The following WNK1 variants were observed in gnomAD, a reference collection of about 807,000 sequenced individuals.
WNK1 encodes the protein WNK lysine deficient protein kinase 1.
In WNK1, 38 loss-of-function variants were observed where a neutral mutation model predicts 222.8. The observed-to-expected ratio is 0.17, with a 90% CI of 0.13 to 0.22. The LOEUF is 0.22. Ranked by LOEUF, WNK1 falls within the 10% of genes least tolerant of loss-of-function variation. WNK1 has a pLI of 1.00. For missense variants in WNK1, 2,348 were observed against 2,918.4 expected, an observed-to-expected ratio of 0.80 and a Z score of 4.50; for synonymous variants, 1,090 against 1,092.9, an observed-to-expected ratio of 1.00 and a Z score of 0.05.
chr12:847,016 C>G (rs1950071011), intron 4 of WNK1, among the ~76,000 whole-genome samples: 1 of 152,100 alleles, frequency 6.6e-6, no homozygotes, highest in Non-Finnish European at 1.5e-5. Flanking sequence ...AGTTCCAGTA[C>G]TAGGGGGCTA....
In WNK1 at chr12:878,367, C is replaced by CTTT. The variant is rs5795952; in HGVS notation, c.2373+19_2373+21dup. The CTTT allele has an allele frequency of 1.2e-4, 178 of 1,461,490 alleles. No homozygotes were observed. Among genetic ancestry groups the CTTT allele is most frequent in the East Asian group, 2.5e-4 (10 of 40,754 alleles). The allele number at this position is 1,461,490 out of a possible 1,614,324, so 90.5% of individuals were successfully genotyped here. A position where few individuals can be genotyped will look rare whatever the true frequency, so the allele number is the denominator to read the frequency against. On this transcript the variant is annotated splice_region_variant and intron_variant, in intron 10 of 27. Transcript: ENST00000315939. ...AAGTATCAGCTGGAAAACAGGTAAACTTTTTTTTTTTTTTTAAACAGGTAA... is the reference window on the plus strand; with the variant it reads ...AAGTATCAGCTGGAAAACAGGTAAACTTTTTTTTTTTTTTTTTTAAACAGGTAA...
chr12:882,909 G>A lies in WNK1; in HGVS notation c.3373-34G>A, dbSNP rs376111728. ...AAATTCAGTAATAAAGCTGAATATGGTCTTTGGAGATGATGTACCTTTTTT... is the reference window on the plus strand; with the variant it reads ...AAATTCAGTAATAAAGCTGAATATGATCTTTGGAGATGATGTACCTTTTTT... On this transcript the variant is annotated intron_variant, in intron 14 of 27. Transcript: ENST00000315939. 17 of 1,318,942 alleles carry A rather than the reference G, an allele frequency of 1.3e-5. No individual in the cohort carries two copies. In the Admixed American group the frequency reaches 1.5e-4, roughly 12 times the overall value. 81.7% of individuals were successfully genotyped at this position (1,318,942 alleles called of 1,614,324 possible).
chr12:802,010 C>A (rs996509411), intron 1 of WNK1, among the ~76,000 whole-genome samples: 12 of 152,126 alleles, frequency 7.9e-5, no homozygotes, highest in Non-Finnish European at 1.3e-4. Flanking sequence ...AACTTCCCCT[C>A]ACAGTTTTTC....
chr12:903,214 G>C (rs1057135994), intron 26 of WNK1, among the ~76,000 whole-genome samples: 1 of 152,180 alleles, frequency 6.6e-6, no homozygotes, highest in East Asian at 1.9e-4. Context: ...AGCTGTACTT[G>C]AGAGGCAGTC....
At chr12:851,561 G>A (rs967800420) in intron 4 of WNK1, 1 of 1,184,908 alleles carries the variant, frequency 8.4e-7, no homozygotes, top group African/African-American at 1.6e-5. Context: ...GGGAAGCATG[G>A]CTAGTGTTAA....
chr12:770,269 C>G (rs1488125172), intron 1 of WNK1, among the ~76,000 whole-genome samples: 1 of 152,140 alleles, frequency 6.6e-6, no homozygotes, highest in Non-Finnish European at 1.5e-5. Context: ...CCACTGCGCC[C>G]GGCCAGGAAT....
At chr12:867,699 T>G in intron 8 of WNK1, 1 of 779,616 alleles carries the variant, frequency 1.3e-6, no homozygotes, top group Non-Finnish European at 2.1e-6. Flanking sequence ...ATGTATTTAA[T>G]GGATTTTTAC....
chr12:864,086 C>A (rs1951422456), intron 8 of WNK1, among the ~76,000 whole-genome samples: 1 of 148,642 alleles, frequency 6.7e-6, no homozygotes, highest in South Asian at 2.1e-4. Flanking sequence ...CCATATTAAA[C>A]CCTGTGCCTG....
chr12:909,053 A>G lies in WNK1; in HGVS notation c.*261A>G, dbSNP rs1462115228. 2.0e-5 allele frequency: 10 copies of G among 499,280 alleles called. No individual in the cohort carries two copies. Among genetic ancestry groups the G allele is most frequent in the Non-Finnish European group, 3.3e-5 (9 of 273,754 alleles). The allele number at this position is 499,280 out of a possible 1,614,324, so 30.9% of individuals were successfully genotyped here. ...TCAGACCATGCTTTCCTGTTTATCT[A>G]TACTCAGTAATGAGGATGAGGGCTA... On this transcript the variant is annotated 3_prime_UTR_variant, in exon 28 of 28. Coordinates refer to ENST00000315939, the MANE Select transcript of WNK1 (RefSeq NM_018979.4).
At chr12:814,599 A>G (rs898819962) in intron 2 of WNK1, among the ~76,000 whole-genome samples, 74 of 152,104 alleles carry the variant, frequency 4.9e-4, no homozygotes, top group African/African-American at 1.7e-3. Context: ...TAATGCAGAA[A>G]TTTCCCGTTA....
chr12:823,362 A>G (rs1248492212), intron 2 of WNK1, among the ~76,000 whole-genome samples: 1 of 152,148 alleles, frequency 6.6e-6, no homozygotes, highest in Non-Finnish European at 1.5e-5. Flanking sequence ...TTTCTTAAAT[A>G]TTCTTTCTGC....
intron 1 of WNK1, among the ~76,000 whole-genome samples, chr12:795,377 A>C (rs905256377): frequency 4.6e-5 from 7 of 151,074 alleles, no homozygotes; most frequent in African/African-American, 1.7e-4. Flanking sequence ...TTTGAAATGT[A>C]ATAATCTTCA....
chr12:892,313 T>C (rs1954325884), intron 22 of WNK1, among the ~76,000 whole-genome samples: 1 of 152,154 alleles, frequency 6.6e-6, no homozygotes, highest in African/African-American at 2.4e-5. Flanking sequence ...TTTTAGGCTT[T>C]CTAGACCATA....
chr12:911,242 A>ATGTT lies in WNK1; in HGVS notation c.*2452_*2455dup, dbSNP rs974904281. 2 of 398,456 alleles carry ATGTT rather than the reference A, an allele frequency of 5.0e-6. No individual in the cohort carries two copies. Among genetic ancestry groups the ATGTT allele is most frequent in the Non-Finnish European group, 8.8e-6 (2 of 226,054 alleles). The allele number at this position is 398,456 out of a possible 1,614,324, so 24.7% of individuals were successfully genotyped here. The stretch of plus-strand genomic sequence containing the variant: ...ACATTAAAAACTTTCTGAATTATAA[A>ATGTT]TGTTTTCCTTACATTATTTAACAAT... On this transcript the variant is annotated 3_prime_UTR_variant, in exon 28 of 28. Transcript: ENST00000315939.
chr12:791,298 A>G (rs1386874906), intron 1 of WNK1, among the ~76,000 whole-genome samples: 1 of 151,878 alleles, frequency 6.6e-6, no homozygotes, highest in Non-Finnish European at 1.5e-5. Flanking sequence ...CTTCCTTATA[A>G]CTAAGAAAAA....
chr12:837,439 T>C (rs994353691), intron 4 of WNK1, among the ~76,000 whole-genome samples: 24 of 151,696 alleles, frequency 1.6e-4, no homozygotes, highest in African/African-American at 5.8e-4. Flanking sequence ...CCATGCGCGG[T>C]GGCGGGCGCC....
chr12:776,420 G>T (rs997428717), intron 1 of WNK1, among the ~76,000 whole-genome samples: 1 of 150,808 alleles, frequency 6.6e-6, no homozygotes, highest in African/African-American at 2.4e-5. Flanking sequence ...GTTTGTGTGT[G>T]TGTGTGTGTG....
At chr12:881,416 G>A (rs954799054) in intron 12 of WNK1, 9 of 501,554 alleles carry the variant, frequency 1.8e-5, no homozygotes, top group African/African-American at 1.6e-4. Flanking sequence ...CTCTTGGTAA[G>A]ATGCTGGCTG....
Position 879,981 on chromosome 12 carries a change from C to G in WNK1, c.2782C>G (p.Leu928Val). ...AVQSMGIPANLGQAAEVPLSS... is the reference protein window; with the variant it reads ...AVQSMGIPANVGQAAEVPLSS... ...TCAGTCCATGGGAATACCAGCTAAC[C>G]TTGGACAAGCTGCTGAGGTTCCACT... Residue 928 changes from leucine (L) to valine (V), a missense_variant, in exon 11 of 28, where the codon CTT becomes GTT. By Grantham distance (32) the Leu-to-Val change is conservative. Around this residue, in one of 13 missense-constraint regions of WNK1, gnomAD observed 547 missense variants for 558.3 expected, o/e 0.98. Coordinates refer to ENST00000315939, the MANE Select transcript of WNK1 (RefSeq NM_018979.4). The G allele has an allele frequency of 6.2e-7, 1 of 1,614,178 alleles. No homozygotes were observed. The highest frequency in any genetic ancestry group is 8.5e-7 in the Non-Finnish European group (1 of 1,180,040).
Sources: gnomAD v4.1 joint callset for allele counts (sites outside exome capture counted in the v4.1 genomes callset) on GRCh38, gnomAD v4.1.1 for gene constraint, gnomAD v4.1.1 regional missense constraint, MANE v1.5 for transcripts, NCBI Gene and HGNC (gene_info 2026-07-23, HGNC 2026-07-21) for gene names.